SH2D1A: variants seen among roughly 807,000 people sequenced by gnomAD.
SH2D1A encodes SH2 domain-containing protein 1A.
SH2D1A carries 6 observed loss-of-function variants against 10.1 expected under a neutral mutation model. The ratio of observed to expected loss-of-function variants is 0.60; its 90% confidence interval spans 0.33 to 1.18. SH2D1A has a LOEUF of 1.18. SH2D1A is among the 50% of genes most tolerant of loss of function. The probability of loss-of-function intolerance (pLI) is 0.04; values close to 1 mark genes in which losing one functional copy is unlikely to be tolerated. For synonymous variants in SH2D1A, 42 were observed against 36.9 expected (o/e 1.14, Z -0.51); for missense variants, 51 against 97.6 (o/e 0.52, Z 2.01).
At chrX:124,371,097 A>C (rs766926778) in intron 3 of SH2D1A, among the ~76,000 whole-genome samples, 1 of 111,865 alleles carries the variant, frequency 8.9e-6, no homozygotes, top group East Asian at 2.9e-4. Context: ...CAAGTGGTGA[A>C]TTAAATTAAT....
chrX:124,370,284 A>T lies in SH2D1A; in HGVS notation c.310A>T (p.Lys104Ter). 1 of 1,201,618 alleles carries T rather than the reference A, an allele frequency of 8.3e-7. No individual in the cohort carries two copies. The highest frequency in any genetic ancestry group is 1.1e-6 in the Non-Finnish European group (1 of 886,249). The change falls in exon 3 of 4, where the codon AAG (lysine) becomes TAG (stop). Residue 104 changes from lysine (K) to a stop codon, truncating the protein, a stop_gained. Transcript: ENST00000371139. LOFTEE classifies it high-confidence loss of function. The part of the protein sequence containing the change: ...IVIPLQYPVE[K>*]KSSARSTQGT... Reference sequence around the variant, plus strand: ...AATACCTCTGCAGTATCCAGTTGAGAAGAAGTCCTCAGCTAGAAGTACACA... The same window carrying T: ...AATACCTCTGCAGTATCCAGTTGAGTAGAAGTCCTCAGCTAGAAGTACACA...
At chrX:124,361,526 G>A (rs1309810927) in intron 1 of SH2D1A, among the ~76,000 whole-genome samples, 1 of 111,722 alleles carries the variant, frequency 9.0e-6, no homozygotes, top group Non-Finnish European at 1.9e-5. Flanking sequence ...AGAGGCTGGA[G>A]GAGTTTTAAG....
At chrX:124,368,495 G>A (rs1356813183) in intron 2 of SH2D1A, among the ~76,000 whole-genome samples, 1 of 111,968 alleles carries the variant, frequency 8.9e-6, no homozygotes, top group African/African-American at 3.2e-5. Context: ...AAGATGTGTG[G>A]TTTGAAATCT....
chrX:124,351,060 T>TATATATTTTTATATATATTATTATAA (rs2060013518), intron 1 of SH2D1A, among the ~76,000 whole-genome samples: 3 of 92,127 alleles, frequency 3.3e-5, no homozygotes, highest in African/African-American at 1.2e-4. Flanking sequence ...TTATTATAAA[T>TATATATTTTTATATATATTATTATAA]ATATATTTTT....
chrX:124,355,297 CTTGCTT>C (rs2060023645), intron 1 of SH2D1A, among the ~76,000 whole-genome samples: 1 of 2,986 alleles, frequency 3.3e-4, no homozygotes, highest in African/African-American at 5.7e-3. Context: ...TTGGTTGCTT[CTTGCTT>C]CTTGTCCATT....
chrX:124,353,795 C>T (rs1476602828), intron 1 of SH2D1A, among the ~76,000 whole-genome samples: 1 of 112,198 alleles, frequency 8.9e-6, no homozygotes, highest in Non-Finnish European at 1.9e-5. Flanking sequence ...GCTTCAAGGA[C>T]ACATAATGAA....
At chrX:124,367,365 T>G (rs2060058490) in intron 2 of SH2D1A, among the ~76,000 whole-genome samples, 1 of 112,118 alleles carries the variant, frequency 8.9e-6, no homozygotes, top group Admixed American at 9.5e-5. Flanking sequence ...TCATACCACC[T>G]GACTGGAAAA....
At chrX:124,347,527 G>A (rs751254702) in intron 1 of SH2D1A, among the ~76,000 whole-genome samples, 1 of 111,861 alleles carries the variant, frequency 8.9e-6, no homozygotes, top group Non-Finnish European at 1.9e-5. Context: ...ATTCATCTGC[G>A]TCTTTGCTCC....
At chrX:124,356,138 G>C (rs2060025925) in intron 1 of SH2D1A, among the ~76,000 whole-genome samples, 1 of 102,634 alleles carries the variant, frequency 9.7e-6, no homozygotes, top group African/African-American at 3.6e-5. Context: ...CCACCTATGA[G>C]TGAGAACATG....
intron 1 of SH2D1A, among the ~76,000 whole-genome samples, chrX:124,357,859 G>A (rs753879419): frequency 1.5e-4 from 16 of 107,335 alleles, no homozygotes; most frequent in Admixed American, 5.0e-4. Context: ...TCGGTCTGTC[G>A]CCCAGGCTGG....
intron 2 of SH2D1A, among the ~76,000 whole-genome samples, chrX:124,368,709 A>C (rs2060062087): frequency 8.9e-6 from 1 of 112,598 alleles, no homozygotes; most frequent in Admixed American, 9.4e-5. Context: ...AATGGGAATA[A>C]CTGAATCAGC....
At chrX:124,364,205 G>T (rs1276456604) in intron 1 of SH2D1A, among the ~76,000 whole-genome samples, 3 of 110,943 alleles carry the variant, frequency 2.7e-5, no homozygotes, top group Admixed American at 1.9e-4. Flanking sequence ...AGTGGGATAA[G>T]ATGTGGAGGT....
intron 2 of SH2D1A, among the ~76,000 whole-genome samples, chrX:124,366,171 A>G (rs1446784402): frequency 9.0e-6 from 1 of 111,394 alleles, no homozygotes. Context: ...GAGTATTGGT[A>G]TCGTGGGAGA....
At chrX:124,369,882 T>A (rs1419700833) in intron 2 of SH2D1A, among the ~76,000 whole-genome samples, 4 of 111,100 alleles carry the variant, frequency 3.6e-5, no homozygotes, top group Non-Finnish European at 7.5e-5. Context: ...CTTAGAGGTT[T>A]GAGATGTCTG....
chrX:124,352,027 C>T (rs2060016462), intron 1 of SH2D1A, among the ~76,000 whole-genome samples: 1 of 111,211 alleles, frequency 9.0e-6, no homozygotes, highest in Non-Finnish European at 1.9e-5. Flanking sequence ...TCAAATACGT[C>T]ACTCGTTTTC....
chrX:124,370,972 A>G (rs2060067885), intron 3 of SH2D1A, among the ~76,000 whole-genome samples: 1 of 112,105 alleles, frequency 8.9e-6, no homozygotes, highest in South Asian at 3.7e-4. Flanking sequence ...GGGGTTTATC[A>G]TTTGTTTGGA....
chrX:124,371,441 TAA>T lies in SH2D1A; in HGVS notation c.*51_*52del, dbSNP rs769919066. On this transcript the variant is annotated 3_prime_UTR_variant, in exon 4 of 4. Coordinates refer to ENST00000371139, the MANE Select transcript of SH2D1A (RefSeq NM_002351.5). ...TATTTTCTATAATTTAAATATATGCTAAGTCTTATATATTGTAGATAATACAG... is the reference window on the plus strand; with the variant it reads ...TATTTTCTATAATTTAAATATATGCTGTCTTATATATTGTAGATAATACAG... The T allele has an allele frequency of 1.3e-4, 103 of 816,909 alleles. No individual in the cohort carries two copies. The Middle Eastern group carries it at 1.9e-3, about 15-fold the overall frequency. The allele number at this position is 816,909 out of a possible 1,213,427, so 67.3% of individuals were successfully genotyped here.
chrX:124,372,179 T>A lies in SH2D1A; in HGVS notation c.*788T>A, dbSNP rs1238309370. ...AATTTCAGCAGCTGCAGCTCATGAG[T>A]AACTGATTTGTAACAAGCCTCCTTT... On this transcript the variant is annotated 3_prime_UTR_variant, in exon 4 of 4. Coordinates refer to ENST00000371139, the MANE Select transcript of SH2D1A (RefSeq NM_002351.5). 11 of 163,420 alleles carry A rather than the reference T, an allele frequency of 6.7e-5. No homozygotes were observed. The highest frequency in any genetic ancestry group is 6.6e-4 in the South Asian group (2 of 3,034). The allele number at this position is 163,420 out of a possible 1,213,427, so 13.5% of individuals were successfully genotyped here.
At chrX:124,360,186 G>A (rs181505632) in intron 1 of SH2D1A, among the ~76,000 whole-genome samples, 24 of 111,126 alleles carry the variant, frequency 2.2e-4, no homozygotes, top group East Asian at 1.7e-3. Flanking sequence ...GATTACAGGC[G>A]TGAGCCTAAT....
Sources: gnomAD v4.1 joint callset for allele counts (sites outside exome capture counted in the v4.1 genomes callset) on GRCh38, gnomAD v4.1.1 for gene constraint, MANE v1.5 for transcripts, NCBI Gene and HGNC (gene_info 2026-07-23, HGNC 2026-07-21) for gene names.